Variants in SEZ6 observed in about 807,000 individuals in gnomAD.
The protein encoded by SEZ6 is seizure related 6 homolog.
SEZ6 carries 53 observed loss-of-function variants against 101.0 expected under a neutral mutation model. The ratio of observed to expected loss-of-function variants is 0.52; its 90% confidence interval spans 0.42 to 0.66. SEZ6 has a LOEUF of 0.66. Among genes scored for constraint, SEZ6 ranks in the 30% least tolerant of loss-of-function variants. The probability of loss-of-function intolerance (pLI) is 0.00; values close to 1 mark genes in which losing one functional copy is unlikely to be tolerated. For missense variants in SEZ6, 1,102 were observed against 1,289.4 expected (o/e 0.85, Z 2.23); for synonymous variants, 488 against 512.2 (o/e 0.95, Z 0.64).
intron 1 of SEZ6, among the ~76,000 whole-genome samples, chr17:28,996,300 G>A (rs747658040): frequency 5.3e-5 from 8 of 152,068 alleles, no homozygotes; most frequent in Admixed American, 3.9e-4. Flanking sequence ...CTCTCCCATC[G>A]GCAGGCAGGA....
chr17:28,986,648 T>C (rs1426679184), intron 1 of SEZ6, among the ~76,000 whole-genome samples: 1 of 152,218 alleles, frequency 6.6e-6, no homozygotes, highest in Admixed American at 6.5e-5. Flanking sequence ...TGGTGCCACC[T>C]CAGGGCCAGC....
In SEZ6 at chr17:28,955,218, T is replaced by G. The variant is rs16964681; in HGVS notation, c.*744A>C. 4,142 of 167,812 alleles carry G rather than the reference T, an allele frequency of 0.025. 200 individuals carry two copies. The highest frequency in any genetic ancestry group is 0.093 in the African/African-American group (3,877 of 41,758). 10.4% of individuals were successfully genotyped at this position (167,812 alleles called of 1,614,324 possible). On this transcript the variant is annotated 3_prime_UTR_variant, in exon 17 of 17. Transcript: ENST00000317338. Reference sequence around the variant, plus strand: ...GGAGGGACTATTAGGGTGAAGATGTTTGCAACAGCTAAATAAACATCGGAG... The same window carrying G: ...GGAGGGACTATTAGGGTGAAGATGTGTGCAACAGCTAAATAAACATCGGAG...
rs560015300 is a variant in SEZ6, at chr17:28,980,703, C to T, written c.724+668G>A. On this transcript the variant is annotated intron_variant, in intron 2 of 16. Transcript: ENST00000317338. ...ATTTTTAGTAGAGACGGGGTTTCAC[C>T]ATGTTGGCCAGACTAATCTTGAACT... Among the ~76,000 whole-genome samples, 7 of 151,474 alleles carry T rather than the reference C, an allele frequency of 4.6e-5. No individual in the cohort carries two copies. In the South Asian group the frequency reaches 1.3e-3, roughly 27 times the overall value.
intron 4 of SEZ6, among the ~76,000 whole-genome samples, chr17:28,967,039 C>T (rs2152685633): frequency 6.6e-6 from 1 of 152,300 alleles, no homozygotes; most frequent in African/African-American, 2.4e-5. Flanking sequence ...GGGCAAGTTA[C>T]CTAAATTCTC....
intron 14 of SEZ6, 76 bp from the exon 15 acceptor site, chr17:28,956,543 G>T: frequency 1.3e-6 from 2 of 1,494,610 alleles, no homozygotes; most frequent in African/African-American, 1.4e-5. Flanking sequence ...TCTGCCCAAG[G>T]GCATCTGACT....
rs144228815 is a variant in SEZ6, at chr17:28,995,924, C to T, written c.55+9891G>A. 7.0e-4 allele frequency among the ~76,000 whole-genome samples: 106 copies of T among 152,226 alleles called. No individual in the cohort carries two copies. In the East Asian group the frequency reaches 0.016, roughly 22 times the overall value. Reference sequence around the variant, plus strand: ...GGGCCACCTCCTCCAGGCATGCCTCCCTCCTCTCCACATCCTGACACTTTG... The same window carrying T: ...GGGCCACCTCCTCCAGGCATGCCTCTCTCCTCTCCACATCCTGACACTTTG... On this transcript the variant is annotated intron_variant, in intron 1 of 16. Coordinates refer to ENST00000317338, the MANE Select transcript of SEZ6 (RefSeq NM_178860.5).
chr17:28,958,974 G>A (rs2040928343), intron 10 of SEZ6, 51 bp downstream of exon 10: 1 of 1,552,288 alleles, frequency 6.4e-7, no homozygotes, highest in Non-Finnish European at 8.7e-7. Context: ...AGCCTCTTTG[G>A]CTTGCCATGG....
chr17:29,005,980 G>T lies in SEZ6; in HGVS notation c.-111C>A, dbSNP rs940530267. 1.9e-5 allele frequency: 18 copies of T among 944,734 alleles called. No individual in the cohort carries two copies. Among genetic ancestry groups the T allele is most frequent in the Non-Finnish European group, 5.5e-6 (4 of 730,614 alleles). 58.5% of individuals were successfully genotyped at this position (944,734 alleles called of 1,614,324 possible). ...GGTCCGGCCGGGTAGAGGGAGCGGG[G>T]CCGCAGCCGTCACCGCCGCTGCCGC... On this transcript the variant is annotated 5_prime_UTR_variant, in exon 1 of 17. Transcript: ENST00000317338. This position sits in a 1 kb window ranked among gnomAD's most constrained non-coding sequence, Gnocchi z 4.8.
chr17:28,979,900 T>TGTGTGTGTGTGA, intron 2 of SEZ6, 87 bp from the exon 3 acceptor site: 1 of 1,296,418 alleles, frequency 7.7e-7, no homozygotes, highest in Non-Finnish European at 1.0e-6. Context: ...TGTGTGTGTG[T>TGTGTGTGTGTGA]GTGTGTGTGT....
intron 2 of SEZ6, 85 bp downstream of exon 2, chr17:28,981,286 G>A (rs531512051): frequency 2.5e-4 from 367 of 1,474,462 alleles, no homozygotes; most frequent in Non-Finnish European, 3.2e-4. Context: ...AGGGCAGGCT[G>A]GCACAGTGTC....
chr17:28,974,656 G>A (rs2634745), intron 3 of SEZ6, among the ~76,000 whole-genome samples: 1 of 152,144 alleles, frequency 6.6e-6, no homozygotes, highest in African/African-American at 2.4e-5. Context: ...GCCAGGACTC[G>A]AGGCCAGGAC....
chr17:28,971,946 T>A (rs1370624578), intron 3 of SEZ6, among the ~76,000 whole-genome samples: 1 of 152,262 alleles, frequency 6.6e-6, no homozygotes, highest in Non-Finnish European at 1.5e-5. Context: ...TGATTTCAGA[T>A]TGCCTGGAGG....
At chr17:28,962,040 C>T (rs570012188) in intron 5 of SEZ6, among the ~76,000 whole-genome samples, 8 of 152,300 alleles carry the variant, frequency 5.3e-5, no homozygotes, top group Non-Finnish European at 1.5e-5. Context: ...CTTAGTGGCT[C>T]CCCATTACCC....
intron 10 of SEZ6, 78 bp downstream of exon 10, chr17:28,958,947 A>G: frequency 6.9e-7 from 1 of 1,446,668 alleles, no homozygotes; most frequent in East Asian, 2.4e-5. Context: ...GACAGCATTC[A>G]GGCACCTCAC....
At chr17:28,958,944 T>C (rs1238780472) in intron 10 of SEZ6, 81 bp downstream of exon 10, 3 of 1,436,956 alleles carry the variant, frequency 2.1e-6, no homozygotes, top group Non-Finnish European at 2.8e-6. Flanking sequence ...TGAGACAGCA[T>C]TCAGGCACCT....
chr17:28,970,010 A>ATCCTGCTGCCTGGG, intron 3 of SEZ6, 58 bp from the exon 4 acceptor site: 1 of 1,460,204 alleles, frequency 6.8e-7, no homozygotes, highest in Non-Finnish European at 9.0e-7. Context: ...TGCTGCCTGG[A>ATCCTGCTGCCTGGG]TCCTGCCGCC....
At chr17:29,000,822 G>T (rs773356162) in intron 1 of SEZ6, among the ~76,000 whole-genome samples, 1 of 152,080 alleles carries the variant, frequency 6.6e-6, no homozygotes, top group Non-Finnish European at 1.5e-5. Flanking sequence ...GCTTAGGGTG[G>T]CTGTTATAGG....
intron 1 of SEZ6, among the ~76,000 whole-genome samples, chr17:28,986,839 A>G (rs184249894): frequency 1.3e-5 from 2 of 152,224 alleles, no homozygotes; most frequent in Non-Finnish European, 2.9e-5. Context: ...GGGAGAGCTC[A>G]TCTATGGACA....
At chr17:28,972,878 C>A (rs930214930) in intron 3 of SEZ6, among the ~76,000 whole-genome samples, 1 of 152,120 alleles carries the variant, frequency 6.6e-6, no homozygotes, top group Non-Finnish European at 1.5e-5. Flanking sequence ...TCTCAGAGTG[C>A]CTTGAAGAGA....
Sources: gnomAD v4.1 joint callset for allele counts (sites outside exome capture counted in the v4.1 genomes callset) on GRCh38, gnomAD v4.1.1 for gene constraint, Gnocchi (gnomAD v3.1) non-coding constraint, MANE v1.5 for transcripts, NCBI Gene and HGNC (gene_info 2026-07-23, HGNC 2026-07-21) for gene names.